Variants in KIFC3 observed in about 807,000 individuals in gnomAD.
The protein encoded by KIFC3 is kinesin-like protein KIFC3.
In KIFC3, 60 loss-of-function variants were observed where a neutral mutation model predicts 101.8. The ratio of observed to expected loss-of-function variants is 0.59; its 90% confidence interval spans 0.48 to 0.73. The LOEUF is 0.73. Ranked by LOEUF, KIFC3 falls within the 30% of genes least tolerant of loss-of-function variation. KIFC3 has a pLI of 0.00. For missense variants in KIFC3, 966 were observed against 1,137.1 expected, an observed-to-expected ratio of 0.85 and a Z score of 2.16; for synonymous variants, 476 against 482.7, an observed-to-expected ratio of 0.99 and a Z score of 0.18.
chr16:57,858,134 G>T (rs1012368154), intron 1 of KIFC3, among the ~76,000 whole-genome samples: 2 of 151,978 alleles, frequency 1.3e-5, no homozygotes, highest in Non-Finnish European at 1.5e-5. Context: ...TCTTTATCCA[G>T]TCTATCATTG....
At chr16:57,838,196 G>T (rs1163496499) in intron 1 of KIFC3, among the ~76,000 whole-genome samples, 1 of 152,184 alleles carries the variant, frequency 6.6e-6, no homozygotes, top group Non-Finnish European at 1.5e-5. Context: ...GGAACAAGCA[G>T]CTTCCCAAGC....
At chr16:57,793,405 C>G (rs1297691165) in intron 3 of KIFC3, among the ~76,000 whole-genome samples, 1 of 152,002 alleles carries the variant, frequency 6.6e-6, no homozygotes, top group Non-Finnish European at 1.5e-5. Context: ...CCAGCCTGGC[C>G]AACATGATGA....
chr16:57,811,918 C>CAAA (rs533115992), intron 1 of KIFC3, among the ~76,000 whole-genome samples: 3 of 107,808 alleles, frequency 2.8e-5, no homozygotes, highest in African/African-American at 1.0e-4. Flanking sequence ...GACTCCGTCT[C>CAAA]AAAAAAAAAA....
At chr16:57,759,265 G>T in intron 18 of KIFC3, 112 bp from the exon 19 acceptor site, 1 of 1,297,242 alleles carries the variant, frequency 7.7e-7, no homozygotes, top group Non-Finnish European at 1.1e-6. Flanking sequence ...GCCCTCCCAT[G>T]ATCTGGGCTA....
intron 1 of KIFC3, among the ~76,000 whole-genome samples, chr16:57,834,289 C>G (rs551978732): frequency 3.3e-5 from 5 of 152,024 alleles, no homozygotes; most frequent in African/African-American, 1.2e-4. Flanking sequence ...TCTTAGTGGA[C>G]CTCTCCTGGT....
chr16:57,850,479 T>TG (rs1272093680), intron 1 of KIFC3, among the ~76,000 whole-genome samples: 3 of 137,574 alleles, frequency 2.2e-5, no homozygotes, highest in East Asian at 4.1e-4. Context: ...TTTTTTTTTT[T>TG]TTTTTTTTTT....
At chr16:57,808,401 C>T (rs1213179023) in intron 1 of KIFC3, among the ~76,000 whole-genome samples, 1 of 152,016 alleles carries the variant, frequency 6.6e-6, no homozygotes, top group Admixed American at 6.6e-5. Context: ...AGTGTTCTGC[C>T]GCTTCTCTCC....
intron 1 of KIFC3, among the ~76,000 whole-genome samples, chr16:57,861,333 G>A (rs1959259083): frequency 6.6e-6 from 1 of 152,116 alleles, no homozygotes; most frequent in Non-Finnish European, 1.5e-5. Context: ...CTGGAAATGG[G>A]GAATGCTACC....
intron 1 of KIFC3, among the ~76,000 whole-genome samples, chr16:57,842,824 A>G (rs570980309): frequency 5.9e-5 from 9 of 152,280 alleles, no homozygotes; most frequent in Non-Finnish European, 8.8e-5. Context: ...TTATGTTCCA[A>G]TTCCTCTAAA....
rs2148836844 is a variant in KIFC3 at position 57,760,820 on chromosome 16, G to A, written c.2138C>T (p.Ser713Phe). ...ALGDVIAALR[S>F]RQGHVPFRNS... ...GCGGAAGGGCACGTGGCCCTGGCGGGAGCGCAGGGCAGCAATGACGTCCCC... is the reference window on the plus strand; with the variant it reads ...GCGGAAGGGCACGTGGCCCTGGCGGAAGCGCAGGGCAGCAATGACGTCCCC... The change falls in exon 16 of 20, where the codon TCC becomes TTC. Residue 713 changes from serine to phenylalanine, a missense_variant. Transcript: ENST00000445690. The A allele has an allele frequency of 6.2e-7, 1 of 1,613,386 alleles. No individual in the cohort carries two copies. Among genetic ancestry groups the A allele is most frequent in the East Asian group, 2.2e-5 (1 of 44,888 alleles).
upstream of KIFC3, chr16:57,802,749 C>T: frequency 1.3e-6 from 1 of 744,744 alleles, no homozygotes; most frequent in South Asian, 1.7e-5. This position sits in a 1 kb window ranked among gnomAD's most constrained non-coding sequence, Gnocchi z 5.0. Flanking sequence ...TCATGCGTTC[C>T]CTGAAGGCTC....
At chr16:57,833,025 T>C (rs1304535552) in intron 1 of KIFC3, among the ~76,000 whole-genome samples, 1 of 151,908 alleles carries the variant, frequency 6.6e-6, no homozygotes, top group African/African-American at 2.4e-5. Context: ...CTGGCCAACA[T>C]GGAAACCCCA....
chr16:57,768,509 T>TCTCACACACA (rs147198668), intron 9 of KIFC3, among the ~76,000 whole-genome samples: 3 of 139,030 alleles, frequency 2.2e-5, no homozygotes, highest in African/African-American at 8.3e-5. Flanking sequence ...CCATATATTC[T>TCTCACACACA]CACACACACA....
At chr16:57,828,573 C>T (rs782257410) in intron 1 of KIFC3, among the ~76,000 whole-genome samples, 55 of 152,210 alleles carry the variant, frequency 3.6e-4, no homozygotes, top group Non-Finnish European at 5.9e-4. Flanking sequence ...GGACCAGGGT[C>T]CCAGCCTGGG....
chr16:57,796,585 G>A (rs2054340105), intron 2 of KIFC3, among the ~76,000 whole-genome samples: 1 of 152,216 alleles, frequency 6.6e-6, no homozygotes. Flanking sequence ...CCAGTGGCAG[G>A]CACGGCGCTT....
chr16:57,767,101 C>G (rs187810609), intron 9 of KIFC3, 116 bp from the exon 10 acceptor site: 1 of 732,550 alleles, frequency 1.4e-6, no homozygotes, highest in South Asian at 1.6e-5. Context: ...ACCTGACACA[C>G]GCTGTCACAT....
At chr16:57,798,310 T>A (rs966340715) in intron 1 of KIFC3, 28 bp from the exon 2 acceptor site, 1 of 1,533,494 alleles carries the variant, frequency 6.5e-7, no homozygotes, top group Non-Finnish European at 8.8e-7. Flanking sequence ...GGAGATAAGC[T>A]TGAAGACCGT....
chr16:57,802,362 C>A lies in KIFC3; in HGVS notation c.-40+8G>T. ...CTCGCACCCAGCCCGCCCGGGCCCC[C>A]CACTCACCGGCCTGGCGGAGGCAGG... On this transcript the variant is annotated splice_region_variant and intron_variant, in intron 1 of 19. Coordinates refer to ENST00000445690, the MANE Select transcript of KIFC3 (RefSeq NM_001130100.2). This position sits in a 1 kb window ranked among gnomAD's most constrained non-coding sequence, Gnocchi z 5.0. 4.1e-6 allele frequency: 4 copies of A among 982,368 alleles called. No homozygotes were observed. Among genetic ancestry groups the A allele is most frequent in the Non-Finnish European group, 3.6e-6 (3 of 828,002 alleles). The allele number at this position is 982,368 out of a possible 1,614,324, so 60.9% of individuals were successfully genotyped here. A position where few individuals can be genotyped will look rare whatever the true frequency, so the allele number is the denominator to read the frequency against.
At chr16:57,860,509 A>G (rs1291144407) in intron 1 of KIFC3, among the ~76,000 whole-genome samples, 1 of 152,164 alleles carries the variant, frequency 6.6e-6, no homozygotes, top group Non-Finnish European at 1.5e-5. Flanking sequence ...ATTAACTTAC[A>G]TATGTTCATT....
Sources: allele counts gnomAD v4.1 joint callset (sites outside exome capture counted in the v4.1 genomes callset), GRCh38; gene constraint gnomAD v4.1.1; non-coding constraint Gnocchi (gnomAD v3.1); transcripts MANE v1.5; gene names NCBI Gene and HGNC (gene_info 2026-07-23, HGNC 2026-07-21).